The following CACNA1C variants were observed in gnomAD, a reference collection of about 807,000 sequenced individuals.
CACNA1C encodes calcium voltage-gated channel subunit alpha1 C.
Under a neutral mutation model 229.0 loss-of-function variants are expected in CACNA1C, and 30 were observed. The ratio of observed to expected loss-of-function variants is 0.13; its 90% confidence interval spans 0.10 to 0.18. The LOEUF (loss-of-function observed/expected upper bound fraction) is 0.18. Among genes scored for constraint, CACNA1C ranks in the 10% least tolerant of loss-of-function variants. CACNA1C has a pLI of 1.00. For synonymous variants in CACNA1C, 1,114 were observed against 1,132.5 expected (o/e 0.98, Z 0.33); for missense variants, 1,658 against 2,845.0 (o/e 0.58, Z 9.49).
At chr12:2,388,508 A>AT (rs1425807595) in intron 3 of CACNA1C, among the ~76,000 whole-genome samples, 2 of 152,248 alleles carry the variant, frequency 1.3e-5, no homozygotes, top group African/African-American at 4.8e-5. Context: ...ACTGGATTTG[A>AT]TGATGGAGGT....
At chr12:2,524,302 G>T (rs2099814931) in intron 9 of CACNA1C, among the ~76,000 whole-genome samples, 1 of 152,202 alleles carries the variant, frequency 6.6e-6, no homozygotes, top group South Asian at 2.1e-4. Context: ...AAGATAAATA[G>T]ACACCGTCTC....
intron 3 of CACNA1C, among the ~76,000 whole-genome samples, chr12:2,276,131 G>C (rs536786068): frequency 5.9e-5 from 9 of 152,102 alleles, no homozygotes; most frequent in Non-Finnish European, 1.2e-4. Flanking sequence ...CGCGGGTACA[G>C]AGGGCCAACT....
In CACNA1C at chr12:2,649,457, G is replaced by A. The variant is rs531137738; in HGVS notation, c.3945+950G>A. Among the ~76,000 whole-genome samples, 99 of 152,328 alleles carry A rather than the reference G, an allele frequency of 6.5e-4. No individual in the cohort carries two copies. Among genetic ancestry groups the A allele is most frequent in the African/African-American group, 2.1e-3 (86 of 41,560 alleles). ...GGCTGCCACAGGAAAGGCTGAGCCC[G>A]GGTGCTCTACCCCGCTTCCTGGGGA... On this transcript the variant is annotated intron_variant, in intron 31 of 46. Transcript: ENST00000399655. This position sits in a 1 kb window ranked among gnomAD's most constrained non-coding sequence, Gnocchi z 4.4.
chr12:2,022,462 ACT>A (rs1491336153), intron 1 of CACNA1C, among the ~76,000 whole-genome samples: 1 of 130,488 alleles, frequency 7.7e-6, no homozygotes, highest in Non-Finnish European at 1.6e-5. Context: ...GCCCTAAGGA[ACT>A]TTTTTTTTTT....
intron 34 of CACNA1C, among the ~76,000 whole-genome samples, chr12:2,655,602 A>C (rs1304337297): frequency 6.6e-6 from 1 of 152,232 alleles, no homozygotes; most frequent in Non-Finnish European, 1.5e-5. Flanking sequence ...TTCTTGTCCA[A>C]TAAGTACAGA....
chr12:2,021,521 A>G (rs548110614), intron 1 of CACNA1C, among the ~76,000 whole-genome samples: 1 of 152,258 alleles, frequency 6.6e-6, no homozygotes, highest in African/African-American at 2.4e-5. Flanking sequence ...TCTACTAAAA[A>G]TACTAAAAAT....
intron 3 of CACNA1C, among the ~76,000 whole-genome samples, chr12:2,194,743 G>A (rs895025975): frequency 5.3e-5 from 8 of 152,222 alleles, no homozygotes; most frequent in African/African-American, 1.4e-4. Flanking sequence ...ATGCAGGAAC[G>A]TTTCTCCCCA....
At chr12:2,686,800 C>T (rs2097527568) in intron 45 of CACNA1C, among the ~76,000 whole-genome samples, 1 of 152,214 alleles carries the variant, frequency 6.6e-6, no homozygotes, top group Non-Finnish European at 1.5e-5. Flanking sequence ...GCATGGCTGA[C>T]TCCAGCTGAG....
rs2093647652 is a variant in CACNA1C, at chr12:2,137,393, C to T, written c.477+16963C>T. Among the ~76,000 whole-genome samples, 2 of 150,826 alleles carry T rather than the reference C, an allele frequency of 1.3e-5. 1 individual carries two copies. Among genetic ancestry groups the T allele is most frequent in the Admixed American group, 1.3e-4 (2 of 14,990 alleles). On this transcript the variant is annotated intron_variant, in intron 3 of 46. Coordinates refer to ENST00000399655, the MANE Select transcript of CACNA1C (RefSeq NM_000719.7). The stretch of plus-strand genomic sequence containing the variant: ...ATAGATAGAAATGCTCCGCCCAGCT[C>T]TACCAAAAAAAAAAGTATATATATA...
chr12:2,302,171 C>T (rs1485590892), intron 3 of CACNA1C, among the ~76,000 whole-genome samples: 1 of 152,114 alleles, frequency 6.6e-6, no homozygotes, highest in African/African-American at 2.4e-5. Context: ...CTCAGTGAGC[C>T]TCGCACAGTG....
chr12:2,667,075 G>A (rs564577979), intron 37 of CACNA1C, among the ~76,000 whole-genome samples: 145 of 152,266 alleles, frequency 9.5e-4, no homozygotes, highest in Non-Finnish European at 1.8e-3. Context: ...AGAGGGGTTC[G>A]GCGTTCTTTT....
rs114539262 is a variant in CACNA1C, at chr12:2,661,677, A to G, written c.4233-3148A>G. Among the ~76,000 whole-genome samples, 335 of 152,350 alleles carry G rather than the reference A, an allele frequency of 2.2e-3. 3 individuals carry two copies. The highest frequency in any genetic ancestry group is 7.6e-3 in the African/African-American group (315 of 41,578). ...AATATAAAGCTAATGCCAATGAGAA[A>G]AAGAGAAAAAAGCAAGCAGTTATAA... On this transcript the variant is annotated intron_variant, in intron 34 of 46. Coordinates refer to ENST00000399655, the MANE Select transcript of CACNA1C (RefSeq NM_000719.7).
intron 1 of CACNA1C, among the ~76,000 whole-genome samples, chr12:2,074,725 T>C (rs56401832): frequency 0.016 from 2,473 of 152,274 alleles, 44 homozygotes; most frequent in South Asian, 0.078. Context: ...TAAAATACTT[T>C]AGGGTTTATA....
intron 1 of CACNA1C, among the ~76,000 whole-genome samples, chr12:1,981,519 A>G (rs1055616717): frequency 2.6e-5 from 4 of 152,214 alleles, no homozygotes; most frequent in African/African-American, 7.2e-5. Flanking sequence ...TATAAGCACA[A>G]CTAGTAATTG....
At chr12:2,576,747 A>G (rs1184934291) in intron 13 of CACNA1C, among the ~76,000 whole-genome samples, 1 of 39,982 alleles carries the variant, frequency 2.5e-5, no homozygotes, top group Non-Finnish European at 5.3e-5. Context: ...CTGTTTATTT[A>G]AGTGGTTTCA....
chr12:2,560,848 TAAAA>T (rs36012443), intron 11 of CACNA1C, among the ~76,000 whole-genome samples: 97 of 113,076 alleles, frequency 8.6e-4, no homozygotes, highest in Middle Eastern at 5.1e-3. Flanking sequence ...TTGGTTCTGG[TAAAA>T]AAAAAAAAAA....
At chr12:2,298,032 A>G (rs1465746293) in intron 3 of CACNA1C, among the ~76,000 whole-genome samples, 1 of 152,176 alleles carries the variant, frequency 6.6e-6, no homozygotes, top group East Asian at 1.9e-4. Flanking sequence ...CATCTAAAGG[A>G]GACGACATCA....
intron 1 of CACNA1C, among the ~76,000 whole-genome samples, chr12:2,095,022 G>T (rs904961225): frequency 6.6e-6 from 1 of 152,198 alleles, no homozygotes; most frequent in African/African-American, 2.4e-5. Flanking sequence ...ACAACTCAGA[G>T]ATATCTAAGT....
rs369263554 is a variant in CACNA1C, at chr12:2,416,254, C to T, written c.478-32722C>T. Among the ~76,000 whole-genome samples, 205 of 152,310 alleles carry T rather than the reference C, an allele frequency of 1.3e-3. 3 individuals are homozygous for T. In the East Asian group the frequency reaches 0.033, roughly 25 times the overall value. On this transcript the variant is annotated intron_variant, in intron 3 of 46. Coordinates refer to ENST00000399655, the MANE Select transcript of CACNA1C (RefSeq NM_000719.7). ...ACCCTTCCTTTATGGCTCGCTTTCT[C>T]TTTCTTCTCTTGTTCCCCACTCTAT...
Sources: allele counts gnomAD v4.1 joint callset (sites outside exome capture counted in the v4.1 genomes callset), GRCh38; gene constraint gnomAD v4.1.1; non-coding constraint Gnocchi (gnomAD v3.1); transcripts MANE v1.5; gene names NCBI Gene and HGNC (gene_info 2026-07-23, HGNC 2026-07-21).